Variants in SPOCK3 observed in about 807,000 individuals in gnomAD.
The protein encoded by SPOCK3 is SPARC (osteonectin), cwcv and kazal like domains proteoglycan 3.
A neutral mutation model predicts 56.6 loss-of-function variants in SPOCK3; 30 were observed. That is an observed-to-expected ratio of 0.53 (90% CI 0.40 to 0.72). SPOCK3 has a LOEUF of 0.72. SPOCK3 is among the 30% of genes least tolerant of loss of function. The pLI is 0.00. For missense variants in SPOCK3, 527 were observed against 530.0 expected, an observed-to-expected ratio of 0.99 and a Z score of 0.06; for synonymous variants, 196 against 183.3, an observed-to-expected ratio of 1.07 and a Z score of -0.56.
intron 2 of SPOCK3, among the ~76,000 whole-genome samples, chr4:167,121,512 C>T (rs866112017): frequency 1.3e-5 from 2 of 151,474 alleles, no homozygotes; most frequent in Non-Finnish European, 1.5e-5. Context: ...ATTAATTTTC[C>T]TACCTCGGAG....
At chr4:167,018,225 T>G (rs1750833980) in intron 3 of SPOCK3, among the ~76,000 whole-genome samples, 3 of 152,132 alleles carry the variant, frequency 2.0e-5, no homozygotes, top group Non-Finnish European at 4.4e-5. Context: ...TGAGTTTTGC[T>G]TTTTACACCT....
chr4:167,000,511 A>G, intron 3 of SPOCK3, 48 bp from the exon 4 acceptor site: 1 of 914,528 alleles, frequency 1.1e-6, no homozygotes, highest in South Asian at 1.5e-5. Flanking sequence ...TGTAAAATGG[A>G]GGTATCAAAT....
intron 2 of SPOCK3, among the ~76,000 whole-genome samples, chr4:167,169,160 G>A (rs1410894772): frequency 6.6e-6 from 1 of 152,210 alleles, no homozygotes; most frequent in Non-Finnish European, 1.5e-5. Context: ...CAGTGCAGAA[G>A]GGAAATGTGG....
intron 2 of SPOCK3, among the ~76,000 whole-genome samples, chr4:167,192,721 G>A (rs538203255): frequency 1.4e-5 from 2 of 143,714 alleles, no homozygotes; most frequent in South Asian, 2.1e-4. Context: ...ATTTTTTTTC[G>A]ACGTAGGTAT....
chr4:166,765,057 T>C (rs1167212594), intron 7 of SPOCK3, among the ~76,000 whole-genome samples: 1 of 152,174 alleles, frequency 6.6e-6, no homozygotes, highest in African/African-American at 2.4e-5. Context: ...TCTTGTAAAT[T>C]TGTTTGAGTT....
At chr4:166,973,603 T>C (rs1230624215) in intron 4 of SPOCK3, among the ~76,000 whole-genome samples, 7 of 152,042 alleles carry the variant, frequency 4.6e-5, no homozygotes, top group Admixed American at 1.3e-4. Flanking sequence ...GTATGAAATA[T>C]AAGAAATATA....
At chr4:166,787,013 T>C (rs1351398074) in intron 7 of SPOCK3, among the ~76,000 whole-genome samples, 1 of 152,176 alleles carries the variant, frequency 6.6e-6, no homozygotes, top group African/African-American at 2.4e-5. Flanking sequence ...CAGATGCACC[T>C]CTTGAAGTCA....
chr4:167,121,277 A>G (rs1761843315), intron 2 of SPOCK3, among the ~76,000 whole-genome samples: 1 of 152,000 alleles, frequency 6.6e-6, no homozygotes, highest in South Asian at 2.1e-4. Context: ...TTTCTTGGAC[A>G]TGGCTCATAT....
At chr4:166,976,143 T>C (rs1345809565) in intron 4 of SPOCK3, among the ~76,000 whole-genome samples, 1 of 141,782 alleles carries the variant, frequency 7.1e-6, no homozygotes, top group Non-Finnish European at 1.6e-5. Context: ...AACAGCCAAT[T>C]AACTAACCAA....
Position 167,142,673 on chromosome 4 carries a change from A to G in SPOCK3, c.190-80136T>C, listed in dbSNP as rs4143596. Among the ~76,000 whole-genome samples the G allele has an allele frequency of 1.0e-3, 152 of 152,054 alleles. 3 individuals are homozygous for G. In the East Asian group the frequency reaches 0.025, roughly 25 times the overall value. ...AAGTTTTATTGGAAGGTGTGAGGAAAAGTAGCAATAGATGCAAAGGAGATT... is the reference window on the plus strand; with the variant it reads ...AAGTTTTATTGGAAGGTGTGAGGAAGAGTAGCAATAGATGCAAAGGAGATT... On this transcript the variant is annotated intron_variant, in intron 2 of 10. Transcript: ENST00000357545.
At chr4:166,835,765 C>T (rs762943755) in intron 6 of SPOCK3, among the ~76,000 whole-genome samples, 1 of 152,048 alleles carries the variant, frequency 6.6e-6, no homozygotes, top group Non-Finnish European at 1.5e-5. Context: ...TTTGGGAAGC[C>T]GAGGTGGGCG....
intron 2 of SPOCK3, among the ~76,000 whole-genome samples, chr4:167,109,687 C>G (rs891839688): frequency 5.5e-5 from 8 of 146,674 alleles, no homozygotes; most frequent in Non-Finnish European, 1.2e-4. Flanking sequence ...TTGAAGCATA[C>G]AAAAGTATAT....
chr4:167,080,286 TAAG>T (rs1757590448), intron 2 of SPOCK3, among the ~76,000 whole-genome samples: 1 of 152,084 alleles, frequency 6.6e-6, no homozygotes, highest in African/African-American at 2.4e-5. Flanking sequence ...TGAGAAGGCA[TAAG>T]AAGGTCAGTT....
intron 5 of SPOCK3, among the ~76,000 whole-genome samples, chr4:166,906,988 T>C (rs773723371): frequency 2.0e-5 from 3 of 152,084 alleles, no homozygotes; most frequent in Non-Finnish European, 4.4e-5. Flanking sequence ...AGTTAACATA[T>C]TTAAAATATT....
chr4:167,108,191 C>T (rs376826496), intron 2 of SPOCK3, among the ~76,000 whole-genome samples: 14 of 151,816 alleles, frequency 9.2e-5, no homozygotes, highest in Non-Finnish European at 7.4e-5. Context: ...AGGAAACCCC[C>T]GTACACTGTT....
chr4:166,937,291 C>A (rs1200558062), intron 4 of SPOCK3, among the ~76,000 whole-genome samples: 1 of 151,202 alleles, frequency 6.6e-6, no homozygotes, highest in East Asian at 1.9e-4. Context: ...TAATTTTTCC[C>A]AGGATTACCA....
chr4:167,113,252 T>C (rs929296550), intron 2 of SPOCK3, among the ~76,000 whole-genome samples: 1 of 152,184 alleles, frequency 6.6e-6, no homozygotes, highest in African/African-American at 2.4e-5. Context: ...AGATTCGTAT[T>C]GAACAACTCT....
chr4:167,070,690 G>T (rs577628093), intron 2 of SPOCK3, among the ~76,000 whole-genome samples: 4 of 151,890 alleles, frequency 2.6e-5, no homozygotes, highest in Non-Finnish European at 4.4e-5. Flanking sequence ...GCATATATAT[G>T]ATCTCATTTA....
chr4:167,044,290 G>T (rs1329813604), intron 3 of SPOCK3, among the ~76,000 whole-genome samples: 1 of 151,682 alleles, frequency 6.6e-6, no homozygotes, highest in African/African-American at 2.4e-5. Flanking sequence ...TAGCTATTTT[G>T]TCTCTTTCAC....
Sources: allele counts gnomAD v4.1 joint callset (sites outside exome capture counted in the v4.1 genomes callset), GRCh38; gene constraint gnomAD v4.1.1; transcripts MANE v1.5; gene names NCBI Gene and HGNC (gene_info 2026-07-23, HGNC 2026-07-21).